SUPT3H: variants seen among roughly 807,000 people sequenced by gnomAD.
The protein encoded by SUPT3H is transcription initiation protein SPT3 homolog.
Under a neutral mutation model 44.3 loss-of-function variants are expected in SUPT3H, and 44 were observed. The ratio of observed to expected loss-of-function variants is 0.99; its 90% CI spans 0.78 to 1.28. SUPT3H has a LOEUF of 1.28. Ranked by LOEUF, SUPT3H falls within the 50% of genes most tolerant of loss-of-function variation. The pLI, the probability that SUPT3H is intolerant of heterozygous loss-of-function variation, is 0.00. For synonymous variants in SUPT3H, 124 were observed against 125.6 expected (o/e 0.99, Z 0.09); for missense variants, 380 against 387.1 (o/e 0.98, Z 0.15).
chr6:45,056,930 A>C (rs1009021647), intron 3 of SUPT3H, among the ~76,000 whole-genome samples: 31 of 152,268 alleles, frequency 2.0e-4, no homozygotes, highest in African/African-American at 6.5e-4. Flanking sequence ...CAGCCCACAC[A>C]CAGGAAAAAA....
Position 44,992,507 on chromosome 6 carries a change from T to C in SUPT3H, c.504+11146A>G, listed in dbSNP as rs940551609. 3.3e-5 allele frequency among the ~76,000 whole-genome samples: 5 copies of C among 152,274 alleles called. No homozygotes were observed. In the East Asian group the frequency reaches 5.8e-4, roughly 18 times the overall value. ...AATAGCAATCATTATTCCAATGCTTTCCTACCAAATCCAGATAGAAAATAT... is the reference window on the plus strand; with the variant it reads ...AATAGCAATCATTATTCCAATGCTTCCCTACCAAATCCAGATAGAAAATAT... On this transcript the variant is annotated intron_variant, in intron 6 of 10. Coordinates refer to ENST00000371459, the MANE Select transcript of SUPT3H (RefSeq NM_003599.4).
intron 2 of SUPT3H, among the ~76,000 whole-genome samples, chr6:45,186,737 A>C (rs2153615991): frequency 6.6e-6 from 1 of 152,306 alleles, no homozygotes; most frequent in South Asian, 2.1e-4. Context: ...CCCAGGTCAT[A>C]AAATCTAAAA....
intron 6 of SUPT3H, among the ~76,000 whole-genome samples, chr6:44,997,434 GTC>G (rs1358916231): frequency 2.0e-5 from 3 of 151,532 alleles, no homozygotes; most frequent in Non-Finnish European, 4.4e-5. Flanking sequence ...GATTGACACT[GTC>G]TTTTTTCTCA....
chr6:45,344,688 T>C (rs1790491649), intron 2 of SUPT3H, among the ~76,000 whole-genome samples: 1 of 152,108 alleles, frequency 6.6e-6, no homozygotes, highest in Admixed American at 6.6e-5. Flanking sequence ...GTGTATAAAC[T>C]AGCTCTTCAT....
At chr6:45,098,855 C>T in intron 3 of SUPT3H, 1 of 549,256 alleles carries the variant, frequency 1.8e-6, no homozygotes. Flanking sequence ...GCAGAAGTGG[C>T]TGCTGAGAAG....
intron 11 of SUPT3H, among the ~76,000 whole-genome samples, chr6:44,815,034 T>C (rs1444312405): frequency 1.3e-5 from 2 of 152,084 alleles, no homozygotes; most frequent in African/African-American, 4.8e-5. Context: ...CATGAGAAAG[T>C]GTTACTATAG....
intron 2 of SUPT3H, among the ~76,000 whole-genome samples, chr6:45,124,475 C>G (rs2038766): frequency 0.4 from 60,703 of 151,144 alleles, 12,554 homozygotes; most frequent in East Asian, 0.71. Context: ...GAAACCCCCC[C>G]CTCTACTAAA....
chr6:45,181,745 C>G (rs1052908067), intron 2 of SUPT3H, among the ~76,000 whole-genome samples: 8 of 151,060 alleles, frequency 5.3e-5, no homozygotes, highest in African/African-American at 1.9e-4. Flanking sequence ...AGGGATAGCA[C>G]TGGGAGATAT....
chr6:45,326,889 CCTAGTTA>C (rs1231221384), intron 2 of SUPT3H, among the ~76,000 whole-genome samples: 1 of 151,864 alleles, frequency 6.6e-6, no homozygotes, highest in Non-Finnish European at 1.5e-5. Context: ...TTATGCCACT[CCTAGTTA>C]CTGTCACACT....
intron 2 of SUPT3H, among the ~76,000 whole-genome samples, chr6:45,118,758 C>A (rs1308259272): frequency 2.6e-5 from 4 of 152,134 alleles, no homozygotes; most frequent in Non-Finnish European, 5.9e-5. Context: ...TGCCCTAACT[C>A]ACCTTTCACC....
At chr6:44,898,992 C>A (rs1764549561) in intron 10 of SUPT3H, 1 of 152,118 alleles carries the variant, frequency 6.6e-6, no homozygotes, top group Non-Finnish European at 1.5e-5. Context: ...TGCCCCCCTC[C>A]CTGATTTGCA....
rs541766980 is a variant in SUPT3H at position 44,827,378 on chromosome 6, C to T, written c.*2438G>A. On this transcript the variant is annotated 3_prime_UTR_variant, in exon 11 of 11. Transcript: ENST00000371459. ...AACATGTCTTAGTAATATTCTTATGCTAACCCAGTATGGTAGAAAATACTG... is the reference window on the plus strand; with the variant it reads ...AACATGTCTTAGTAATATTCTTATGTTAACCCAGTATGGTAGAAAATACTG... 6.6e-6 allele frequency among the ~76,000 whole-genome samples: 1 copy of T among 152,162 alleles called. No individual in the cohort carries two copies. The highest frequency in any genetic ancestry group is 2.4e-5 in the African/African-American group (1 of 41,558).
At chr6:44,985,694 A>G (rs1779700089) in intron 6 of SUPT3H, among the ~76,000 whole-genome samples, 1 of 152,194 alleles carries the variant, frequency 6.6e-6, no homozygotes, top group African/African-American at 2.4e-5. Context: ...ACATATTTTC[A>G]CTTTATTTCT....
intron 10 of SUPT3H, among the ~76,000 whole-genome samples, chr6:44,901,556 C>T (rs1406575711): frequency 6.6e-6 from 1 of 151,674 alleles, no homozygotes; most frequent in Non-Finnish European, 1.5e-5. Flanking sequence ...ATTGGTGTAC[C>T]TGAAAGTGAC....
At position 44,821,377 on chromosome 6, in the gene SUPT3H, CTTCAT is replaced by C. The variant is rs1279502753; in HGVS notation, c.*52+8382_*52+8386del. On this transcript the variant is annotated intron_variant and NMD_transcript_variant, in intron 11 of 11. Coordinates refer to the SUPT3H transcript ENST00000475057. ...TGATAAAAATGATTTACAAAATAAT[CTTCAT>C]TTCAACTGAGCAAGAAAAATTTGAG... is the stretch of plus-strand genomic sequence containing the variant. Among the ~76,000 whole-genome samples the C allele has an allele frequency of 3.3e-5, 5 of 152,270 alleles. No homozygotes were observed. The East Asian group carries it at 7.7e-4, about 24-fold the overall frequency.
intron 1 of SUPT3H, among the ~76,000 whole-genome samples, chr6:45,373,545 T>G (rs113081836): frequency 6.7e-6 from 1 of 150,192 alleles, no homozygotes; most frequent in East Asian, 1.9e-4. Context: ...AAAATATTAT[T>G]TGTGTGTGTG....
intron 10 of SUPT3H, among the ~76,000 whole-genome samples, chr6:44,903,886 T>A (rs1765532462): frequency 6.6e-6 from 1 of 152,094 alleles, no homozygotes; most frequent in South Asian, 2.1e-4. Flanking sequence ...CATACGAAAA[T>A]CAATAAACCT....
intron 2 of SUPT3H, among the ~76,000 whole-genome samples, chr6:45,228,837 A>C (rs1442315134): frequency 6.6e-6 from 1 of 152,034 alleles, no homozygotes; most frequent in Non-Finnish European, 1.5e-5. Flanking sequence ...ATGTGGTTTC[A>C]CAATGTTGGT....
chr6:44,857,754 A>AAG (rs1773978654), intron 10 of SUPT3H, among the ~76,000 whole-genome samples: 1 of 129,044 alleles, frequency 7.7e-6, no homozygotes, highest in African/African-American at 3.5e-5. Context: ...ATCCTTTGGT[A>AAG]AGCAACTCTC....
Sources: gnomAD v4.1 joint callset for allele counts (sites outside exome capture counted in the v4.1 genomes callset) on GRCh38, gnomAD v4.1.1 for gene constraint, MANE v1.5 for transcripts, NCBI Gene and HGNC (gene_info 2026-07-23, HGNC 2026-07-21) for gene names.